GLRX3: variants seen among roughly 807,000 people sequenced by gnomAD.
GLRX3 encodes the protein glutaredoxin-3.
In GLRX3, 22 loss-of-function variants were observed where a neutral mutation model predicts 49.5. The observed-to-expected ratio is 0.44, with a 90% CI of 0.32 to 0.63. The LOEUF (loss-of-function observed/expected upper bound fraction) is 0.63. Ranked by LOEUF, GLRX3 falls within the 30% of genes least tolerant of loss-of-function variation. GLRX3 has a pLI of 0.05. For missense variants in GLRX3, 385 were observed against 396.3 expected, an observed-to-expected ratio of 0.97 and a Z score of 0.24; for synonymous variants, 133 against 140.0, an observed-to-expected ratio of 0.95 and a Z score of 0.35.
intron 1 of GLRX3, among the ~76,000 whole-genome samples, chr10:130,142,884 C>T (rs1207790432): frequency 6.6e-6 from 1 of 152,196 alleles, no homozygotes; most frequent in East Asian, 1.9e-4. Flanking sequence ...TCTGTCCTAA[C>T]TTAATGTTGA....
At chr10:130,137,522 C>T (rs141086313) in intron 1 of GLRX3, among the ~76,000 whole-genome samples, 3 of 152,298 alleles carry the variant, frequency 2.0e-5, no homozygotes, top group East Asian at 1.9e-4. Context: ...CATGTAACCC[C>T]TGGGCACGTT....
At chr10:130,165,974 A>C (rs1393224003) in intron 4 of GLRX3, among the ~76,000 whole-genome samples, 3 of 152,204 alleles carry the variant, frequency 2.0e-5, no homozygotes, top group Non-Finnish European at 4.4e-5. Context: ...TGGAGGGAGC[A>C]GGTGTCAGAT....
intron 10 of GLRX3, among the ~76,000 whole-genome samples, chr10:130,177,678 GT>G (rs1862950161): frequency 6.6e-6 from 1 of 152,196 alleles, no homozygotes; most frequent in Non-Finnish European, 1.5e-5. Flanking sequence ...CTTCTTGAGT[GT>G]GTGCTCAGAA....
intron 2 of GLRX3, among the ~76,000 whole-genome samples, chr10:130,155,768 C>G (rs1862459936): frequency 6.6e-6 from 1 of 152,078 alleles, no homozygotes. Flanking sequence ...GAGCCCACTC[C>G]AGGAGAATGA....
At chr10:130,172,613 A>G (rs1016376) in intron 8 of GLRX3, among the ~76,000 whole-genome samples, 126,074 of 152,196 alleles carry the variant, frequency 0.83, 52,759 homozygotes, top group African/African-American at 0.95. Context: ...GAAAATAGTT[A>G]AATAGTACAG....
chr10:130,153,433 G>GT (rs1349638697), intron 2 of GLRX3, among the ~76,000 whole-genome samples: 1 of 152,176 alleles, frequency 6.6e-6, no homozygotes, highest in African/African-American at 2.4e-5. Flanking sequence ...CATCTTTGTG[G>GT]TTTTATCTAC....
chr10:130,137,213 C>T (rs928344964), intron 1 of GLRX3, among the ~76,000 whole-genome samples: 1 of 152,152 alleles, frequency 6.6e-6, no homozygotes, highest in Non-Finnish European at 1.5e-5. Flanking sequence ...GATTTGGCGC[C>T]GGTGTCCAGG....
chr10:130,143,852 C>T (rs944934806), intron 1 of GLRX3, among the ~76,000 whole-genome samples: 3 of 152,096 alleles, frequency 2.0e-5, no homozygotes, highest in Non-Finnish European at 4.4e-5. Context: ...CATGCACCAA[C>T]ACACCCGGCT....
At chr10:130,172,221 C>G (rs1862824571) in intron 8 of GLRX3, among the ~76,000 whole-genome samples, 1 of 152,138 alleles carries the variant, frequency 6.6e-6, no homozygotes, top group Non-Finnish European at 1.5e-5. Flanking sequence ...CCTCACCATG[C>G]ATAAAGATAT....
chr10:130,146,702 A>T (rs568624473), intron 2 of GLRX3, among the ~76,000 whole-genome samples: 1 of 152,352 alleles, frequency 6.6e-6, no homozygotes, highest in East Asian at 1.9e-4. Flanking sequence ...GAAAAACCAA[A>T]GTCTTATTTT....
chr10:130,152,400 C>G (rs747208165), intron 2 of GLRX3, among the ~76,000 whole-genome samples: 15 of 152,116 alleles, frequency 9.9e-5, no homozygotes, highest in Non-Finnish European at 2.2e-4. Context: ...TTCATAGTGT[C>G]GATGGTGTTT....
intron 1 of GLRX3, among the ~76,000 whole-genome samples, chr10:130,136,957 T>G (rs1271304049): frequency 6.6e-6 from 1 of 152,200 alleles, no homozygotes; most frequent in Non-Finnish European, 1.5e-5. Flanking sequence ...CCACCTTTCC[T>G]GTGCCCGCCG....
intron 2 of GLRX3, among the ~76,000 whole-genome samples, chr10:130,145,554 T>C (rs1317679735): frequency 6.6e-6 from 1 of 151,904 alleles, no homozygotes; most frequent in Admixed American, 6.6e-5. Context: ...CCCAGCTATG[T>C]GGGAGGCTGA....
downstream of GLRX3, chr10:130,180,095 CT>C (rs36013250): frequency 1.1e-4 from 16 of 147,524 alleles, no homozygotes; most frequent in East Asian, 5.9e-4. Context: ...AGCATCACTA[CT>C]TTTTTTTTTT....
chr10:130,180,236 CG>C (rs1565003046), downstream of GLRX3: 1 of 151,990 alleles, frequency 6.6e-6, no homozygotes, highest in African/African-American at 2.4e-5. Flanking sequence ...GGACCACAGG[CG>C]TGCACCACCA....
rs754345776 is a variant in GLRX3, at chr10:130,171,607, A to G, written c.795A>G (p.Lys265=). The G allele has an allele frequency of 1.3e-6, 2 of 1,561,436 alleles. No individual in the cohort carries two copies. Among genetic ancestry groups the G allele is most frequent in the African/African-American group, 1.4e-5 (1 of 73,916 alleles). ...NKQEAKCGFS[K]QILEILNSTG... ...AGGAAGCAAAATGTGGATTCAGCAA[A>G]CAAATTCTGGAAATACTAAATAGTA... Residue 265 remains lysine, a synonymous_variant, in exon 8 of 11, where the codon AAA becomes AAG. Transcript: ENST00000331244.
At position 130,169,496 on chromosome 10, in the gene GLRX3, G is replaced by T; in HGVS notation, c.771+6G>T. 6.3e-7 allele frequency: 1 copy of T among 1,584,714 alleles called. No homozygotes were observed. Among genetic ancestry groups the T allele is most frequent in the Non-Finnish European group, 8.7e-7 (1 of 1,153,280 alleles). ...TTATGAAAGGAAACAAACAGGTAAA[G>T]AACTCAAAAATGGTTTTATTTGTAA... On this transcript the variant is annotated splice_donor_region_variant and intron_variant, in intron 7 of 10. Transcript: ENST00000331244.
At chr10:130,140,998 G>A (rs962680206) in intron 1 of GLRX3, among the ~76,000 whole-genome samples, 9 of 152,224 alleles carry the variant, frequency 5.9e-5, no homozygotes, top group African/African-American at 2.2e-4. Flanking sequence ...GGACATGAAA[G>A]TACTTCTCGT....
intron 10 of GLRX3, among the ~76,000 whole-genome samples, chr10:130,176,566 C>CT (rs1303350341): frequency 6.6e-6 from 1 of 152,060 alleles, no homozygotes; most frequent in Non-Finnish European, 1.5e-5. Context: ...TTGGTGGCCT[C>CT]TGTGTAGGTT....
Sources: allele counts gnomAD v4.1 joint callset (sites outside exome capture counted in the v4.1 genomes callset), GRCh38; gene constraint gnomAD v4.1.1; transcripts MANE v1.5; gene names NCBI Gene and HGNC (gene_info 2026-07-23, HGNC 2026-07-21).